The following SF3B1 variants were observed in gnomAD, a reference collection of about 807,000 sequenced individuals.
The protein encoded by SF3B1 is pre-mRNA processing 10.
A neutral mutation model predicts 153.8 loss-of-function variants in SF3B1; 12 were observed. The ratio of observed to expected loss-of-function variants is 0.08; its 90% confidence interval spans 0.05 to 0.13. The LOEUF (loss-of-function observed/expected upper bound fraction) is 0.13. Ranked by LOEUF, SF3B1 falls within the 10% of genes least tolerant of loss-of-function variation. SF3B1 has a pLI of 1.00. For synonymous variants in SF3B1, 498 were observed against 525.2 expected, an observed-to-expected ratio of 0.95 and a Z score of 0.71; for missense variants, 513 against 1,606.1, an observed-to-expected ratio of 0.32 and a Z score of 11.63.
At chr2:197,416,653 T>C (rs2085152625) in intron 6 of SF3B1, 88 bp downstream of exon 6, 11 of 1,154,048 alleles carry the variant, frequency 9.5e-6, no homozygotes, top group African/African-American at 1.6e-5. Flanking sequence ...GTCTGTGGTA[T>C]CTTGCTATGG....
At chr2:197,403,277 T>A (rs941953841) in intron 12 of SF3B1, among the ~76,000 whole-genome samples, 3 of 152,204 alleles carry the variant, frequency 2.0e-5, no homozygotes, top group Middle Eastern at 3.2e-3. Flanking sequence ...ATACACCCTA[T>A]GAACATACTG....
chr2:197,423,324 T>G (rs1574551872), intron 2 of SF3B1, among the ~76,000 whole-genome samples: 1 of 150,384 alleles, frequency 6.6e-6, no homozygotes, highest in Non-Finnish European at 1.5e-5. Flanking sequence ...GAGGCGGAGG[T>G]TGCAGTCCAC....
intron 1 of SF3B1, among the ~76,000 whole-genome samples, chr2:197,434,529 CGG>C (rs1209430901): frequency 6.6e-6 from 1 of 152,204 alleles, no homozygotes; most frequent in African/African-American, 2.4e-5. Flanking sequence ...AACGGAATCT[CGG>C]TTTAACCAAA....
Position 197,403,836 on chromosome 2 carries a change from A to C in SF3B1, c.1540-72T>G, listed in dbSNP as rs189834861. ...CATTTTGAATGAGCAAATTACTCAA[A>C]GAAGATTTTCCATACTTTAATATTT... On this transcript the variant is annotated intron_variant, in intron 11 of 24. Transcript: ENST00000335508. The C allele has an allele frequency of 1.8e-4, 204 of 1,141,966 alleles. No homozygotes were observed. The African/African-American group carries it at 3.0e-3, about 17-fold the overall frequency. The allele number at this position is 1,141,966 out of a possible 1,614,324, so 70.7% of individuals were successfully genotyped here.
chr2:197,393,646 T>C (rs1574522060), intron 23 of SF3B1, among the ~76,000 whole-genome samples: 3 of 151,476 alleles, frequency 2.0e-5, no homozygotes. Flanking sequence ...AGAGACAGGG[T>C]TTCACCATGT....
chr2:197,400,160 A>G lies in SF3B1; in HGVS notation c.2908T>C (p.Leu970=). The G allele has an allele frequency of 3.1e-6, 5 of 1,610,588 alleles. No homozygotes were observed. Among genetic ancestry groups the G allele is most frequent in the Non-Finnish European group, 4.2e-6 (5 of 1,178,006 alleles). The change falls in exon 20 of 25, where the codon TTG becomes CTG. Residue 970 remains leucine, a synonymous_variant. Coordinates refer to ENST00000335508, the MANE Select transcript of SF3B1 (RefSeq NM_012433.4). The surrounding 1 kb of genome is among the most constrained non-coding windows in gnomAD (Gnocchi z 5.0). ...AATACAACACCCAAGTGTCCCATCA[A>G]TTTTTCCTATAATAAAACAAATAAT... ...VVMKTCQEEK[L]MGHLGVVLYE...
intron 1 of SF3B1, among the ~76,000 whole-genome samples, chr2:197,429,404 G>A (rs1433309943): frequency 6.6e-6 from 1 of 152,206 alleles, no homozygotes; most frequent in African/African-American, 2.4e-5. Flanking sequence ...TTCTCTAGCT[G>A]AAGTACATCG....
Position 197,416,762 on chromosome 2 carries a change from T to C in SF3B1, c.645A>G (p.Leu215=), listed in dbSNP as rs2085154312. ...DQTPGATPKK[L]SSWDQAETPG... ...TTACCTCTGCCTGATCCCAACTTGA[T>C]AGTTTTTTGGGAGTGGCACCAGGAG... Residue 215 remains leucine (L), a synonymous_variant, in exon 6 of 25, where the codon CTA becomes CTG. Coordinates refer to ENST00000335508, the MANE Select transcript of SF3B1 (RefSeq NM_012433.4). 3.7e-6 allele frequency: 6 copies of C among 1,611,362 alleles called. No individual in the cohort carries two copies. The highest frequency in any genetic ancestry group is 3.4e-6 in the Non-Finnish European group (4 of 1,179,266).
intron 4 of SF3B1, 130 bp from the exon 5 acceptor site, chr2:197,418,718 C>G: frequency 6.9e-7 from 1 of 1,447,352 alleles, no homozygotes; most frequent in South Asian, 1.5e-5. Flanking sequence ...TGATGGAAAA[C>G]TTTAATAATT....
At chr2:197,434,863 G>T in intron 1 of SF3B1, 109 bp downstream of exon 1, 1 of 1,224,386 alleles carries the variant, frequency 8.2e-7, no homozygotes, top group Non-Finnish European at 1.2e-6. Flanking sequence ...CCCGAAACGC[G>T]GGCTCAGCTC....
intron 9 of SF3B1, 73 bp from the exon 10 acceptor site, chr2:197,405,545 A>C: frequency 1.9e-6 from 2 of 1,068,550 alleles, no homozygotes; most frequent in Non-Finnish European, 2.8e-6. Context: ...ATTTGCACTT[A>C]AAATATTTTA....
chr2:197,430,217 CTAGA>C, intron 1 of SF3B1, among the ~76,000 whole-genome samples: 1 of 152,206 alleles, frequency 6.6e-6, no homozygotes, highest in South Asian at 2.1e-4. Context: ...AGAACAGTGA[CTAGA>C]TATTTTATTA....
chr2:197,431,350 C>T (rs1274620214), intron 1 of SF3B1, among the ~76,000 whole-genome samples: 1 of 152,072 alleles, frequency 6.6e-6, no homozygotes, highest in African/African-American at 2.4e-5. Flanking sequence ...GAACTCCTAA[C>T]CTTGGGTGAT....
In SF3B1 at chr2:197,402,515, T is replaced by C. The variant is rs1559266063; in HGVS notation, c.2077+41A>G. 3 of 1,555,638 alleles carry C rather than the reference T, an allele frequency of 1.9e-6. No homozygotes were observed. The East Asian group carries it at 6.8e-5, about 35-fold the overall frequency. On this transcript the variant is annotated intron_variant, in intron 14 of 24. Coordinates refer to ENST00000335508, the MANE Select transcript of SF3B1 (RefSeq NM_012433.4). This position sits in a 1 kb window ranked among gnomAD's most constrained non-coding sequence, Gnocchi z 4.6. ...GGCAACATAGTAAGACCCTGTCTCC[T>C]AAAGAAAAAAAAAAAAAGACAAAGT...
intron 1 of SF3B1, among the ~76,000 whole-genome samples, chr2:197,428,083 G>A (rs1303117312): frequency 1.3e-5 from 2 of 151,958 alleles, no homozygotes; most frequent in African/African-American, 4.8e-5. Context: ...GGATGCCCAG[G>A]CAGGCAGATC....
chr2:197,410,140 T>C, intron 6 of SF3B1, 133 bp from the exon 7 acceptor site: 1 of 586,946 alleles, frequency 1.7e-6, no homozygotes, highest in Non-Finnish European at 3.0e-6. Flanking sequence ...TAGAAGACAC[T>C]ACCTCTACTT....
intron 4 of SF3B1, 37 bp from the exon 5 acceptor site, chr2:197,418,625 T>A: frequency 6.3e-7 from 1 of 1,592,656 alleles, no homozygotes; most frequent in Admixed American, 1.8e-5. Flanking sequence ...AAGAGTACAA[T>A]AAATAAAAAA....
In SF3B1 at chr2:197,418,575, A is replaced by G. The variant is rs952793246; in HGVS notation, c.429T>C (p.Pro143=). ...LDPFADGGKT[P]DPKMNARTYM... The stretch of plus-strand genomic sequence containing the variant: ...AAGTCCTAGCATTCATTTTAGGATC[A>G]GGGGTTTTCCCTCCTGCAGAAAAGA... The change falls in exon 5 of 25, where the codon CCT becomes CCC. Residue 143 remains proline, a synonymous_variant. Coordinates refer to ENST00000335508, the MANE Select transcript of SF3B1 (RefSeq NM_012433.4). 3.1e-6 allele frequency: 5 copies of G among 1,612,264 alleles called. No homozygotes were observed. Among genetic ancestry groups the G allele is most frequent in the Non-Finnish European group, 3.4e-6 (4 of 1,178,990 alleles).
chr2:197,412,338 T>TTTAATTAA (rs562485125), intron 6 of SF3B1, among the ~76,000 whole-genome samples: 9 of 116,688 alleles, frequency 7.7e-5, no homozygotes, highest in Admixed American at 6.5e-4. Flanking sequence ...GAGTCTCTGA[T>TTTAATTAA]TTAATTTATT....
Sources: gnomAD v4.1 joint callset for allele counts (sites outside exome capture counted in the v4.1 genomes callset) on GRCh38, gnomAD v4.1.1 for gene constraint, Gnocchi (gnomAD v3.1) non-coding constraint, MANE v1.5 for transcripts, NCBI Gene and HGNC (gene_info 2026-07-23, HGNC 2026-07-21) for gene names.